Variants in SLC12A9 observed in about 807,000 individuals in gnomAD.
SLC12A9 encodes the protein solute carrier family 12 member 9.
A neutral mutation model predicts 66.0 loss-of-function variants in SLC12A9; 55 were observed. The ratio of observed to expected loss-of-function variants is 0.83; its 90% confidence interval spans 0.67 to 1.04. The LOEUF is 1.04. SLC12A9 is among the 50% of genes least tolerant of loss of function. SLC12A9 has a pLI of 0.00. For synonymous variants in SLC12A9, 577 were observed against 569.0 expected, an observed-to-expected ratio of 1.01 and a Z score of -0.20; for missense variants, 1,061 against 1,241.9, an observed-to-expected ratio of 0.85 and a Z score of 2.19.
chr7:100,829,997 C>T (rs954682846), intron 1 of SLC12A9, among the ~76,000 whole-genome samples: 15 of 151,852 alleles, frequency 9.9e-5, no homozygotes, highest in African/African-American at 3.6e-4. Flanking sequence ...CACTGCACTC[C>T]AGCCTGGGCA....
Position 100,857,145 on chromosome 7 carries a change from C to T in SLC12A9, c.726C>T (p.Phe242=), listed in dbSNP as rs763310149. The stretch of plus-strand genomic sequence containing the variant: ...CCCGGTTTGGCCACTTCACCGGCTT[C>T]AACAGCAGTACCCTGAAGGACAACT... ...LPPRFGHFTG[F]NSSTLKDNLG... is the part of the protein sequence containing the mutation. The change falls in exon 5 of 14, where the codon TTC becomes TTT. Residue 242 remains phenylalanine, a synonymous_variant. Coordinates refer to ENST00000354161, the MANE Select transcript of SLC12A9 (RefSeq NM_020246.4). 1.9e-6 allele frequency: 3 copies of T among 1,613,938 alleles called. No homozygotes were observed. The highest frequency in any genetic ancestry group is 1.7e-6 in the Non-Finnish European group (2 of 1,179,912).
At chr7:100,850,431 G>C (rs1814040263), upstream of SLC12A9, among the ~76,000 whole-genome samples, 1 of 151,292 alleles carries the variant, frequency 6.6e-6, no homozygotes, top group Non-Finnish European at 1.5e-5. Context: ...ATTAGAGACA[G>C]TGTCTTCTGT....
chr7:100,864,606 A>G (rs570558228), intron 13 of SLC12A9, among the ~76,000 whole-genome samples: 2 of 152,190 alleles, frequency 1.3e-5, no homozygotes, highest in Admixed American at 1.3e-4. Flanking sequence ...AGGGACTTGG[A>G]GCATTGTGGT....
At chr7:100,839,718 T>C (rs1813742325) in intron 1 of SLC12A9, among the ~76,000 whole-genome samples, 1 of 152,116 alleles carries the variant, frequency 6.6e-6, no homozygotes, top group East Asian at 1.9e-4. Flanking sequence ...AGTCTGGACA[T>C]CTAAAACTTG....
rs770883827 is a variant in SLC12A9, at chr7:100,857,034, C to T, written c.615C>T (p.Ala205=). Residue 205 remains alanine, a synonymous_variant, in exon 5 of 14, where the codon GCC becomes GCT. Coordinates refer to ENST00000354161, the MANE Select transcript of SLC12A9 (RefSeq NM_020246.4). Reference sequence around the variant, plus strand: ...TCCTGCTGGTCTCTGGCTCCCTGGCCTCTGTGCTCATCAGTTTTGTGGCTG... The same window carrying T: ...TCCTGCTGGTCTCTGGCTCCCTGGCTTCTGTGCTCATCAGTTTTGTGGCTG... ...LTFLLVSGSL[A]SVLISFVAVG... The T allele has an allele frequency of 1.9e-6, 3 of 1,614,240 alleles. No individual in the cohort carries two copies. The highest frequency in any genetic ancestry group is 2.5e-6 in the Non-Finnish European group (3 of 1,180,040).
At chr7:100,843,600 G>C (rs1019940957) in intron 1 of SLC12A9, among the ~76,000 whole-genome samples, 8 of 152,170 alleles carry the variant, frequency 5.3e-5, no homozygotes, top group South Asian at 2.1e-4. Flanking sequence ...GTTTCCAAAG[G>C]CTGGCCCCCA....
At chr7:100,833,495 C>CA (rs1197514471) in intron 1 of SLC12A9, among the ~76,000 whole-genome samples, 1 of 148,934 alleles carries the variant, frequency 6.7e-6, no homozygotes, top group Admixed American at 6.7e-5. Flanking sequence ...AAACAAAAAG[C>CA]AAAAAAACAA....
chr7:100,833,237 A>C (rs1322339514), intron 1 of SLC12A9, among the ~76,000 whole-genome samples: 1 of 152,004 alleles, frequency 6.6e-6, no homozygotes, highest in Non-Finnish European at 1.5e-5. Context: ...TAATCTTAGC[A>C]CTTTGGGAGG....
chr7:100,856,417 AG>A (rs1300299906), intron 4 of SLC12A9: 1 of 162,984 alleles, frequency 6.1e-6, no homozygotes, highest in African/African-American at 2.4e-5. Flanking sequence ...CATGTTGGCC[AG>A]GCTGGTCTTG....
rs752211976 is a variant in SLC12A9, at chr7:100,865,917, CG to C, written c.2059del (p.Val687TrpfsTer7). On this transcript the variant is annotated frameshift_variant, in exon 14 of 14. Transcript: ENST00000354161. LOFTEE classifies it high-confidence loss of function. ...RALNPQDYVATVADALKMNKN... is the reference protein window; with the variant it reads ...RALNPQDYVAXVADALKMNKN... ...CTCAATCCCCAGGACTATGTGGCCA[CG>C]GTGGCCGACGCCCTCAAGATGAACA... 4 of 1,613,324 alleles carry C rather than the reference CG, an allele frequency of 2.5e-6. No individual in the cohort carries two copies. In the South Asian group the frequency reaches 4.4e-5, roughly 18 times the overall value.
chr7:100,864,622 C>T (rs891952750), intron 13 of SLC12A9, among the ~76,000 whole-genome samples: 1 of 152,164 alleles, frequency 6.6e-6, no homozygotes, highest in Non-Finnish European at 1.5e-5. Context: ...GTGGTTGCCA[C>T]GTGCCCAGCT....
chr7:100,850,667 G>A (rs1814044819), upstream of SLC12A9, among the ~76,000 whole-genome samples: 1 of 151,720 alleles, frequency 6.6e-6, no homozygotes, highest in Non-Finnish European at 1.5e-5. Context: ...CTGAGTAGCT[G>A]AGACAACAGG....
chr7:100,862,704 C>T lies in SLC12A9; in HGVS notation c.1735C>T (p.Gln579Ter). 2 of 1,614,242 alleles carry T rather than the reference C, an allele frequency of 1.2e-6. No homozygotes were observed. The highest frequency in any genetic ancestry group is 1.7e-6 in the Non-Finnish European group (2 of 1,180,048). ...DLDSLPSDPV[Q>*]PQYGAWLSLV... ...AGACTCCCTGCCCTCGGACCCTGTA[C>T]AGCCGCAGTATGGGGCATGGCTCAG... Residue 579 changes from glutamine to a stop codon, truncating the protein, a stop_gained, in exon 13 of 14, where the codon CAG (glutamine) becomes TAG (stop). Coordinates refer to ENST00000354161, the MANE Select transcript of SLC12A9 (RefSeq NM_020246.4). LOFTEE classifies it high-confidence loss of function.
At chr7:100,829,084 T>C (rs983436476) in intron 1 of SLC12A9, among the ~76,000 whole-genome samples, 1 of 151,274 alleles carries the variant, frequency 6.6e-6, no homozygotes, top group Non-Finnish European at 1.5e-5. Flanking sequence ...GCCTCCCAGG[T>C]TCAAGCGATT....
At position 100,861,191 on chromosome 7, in the gene SLC12A9, C is replaced by T; in HGVS notation, c.1272C>T (p.Phe424=). 1.2e-6 allele frequency: 2 copies of T among 1,614,226 alleles called. No homozygotes were observed. The highest frequency in any genetic ancestry group is 1.7e-6 in the Non-Finnish European group (2 of 1,180,038). The change falls in exon 10 of 14, where the codon TTC becomes TTT. Residue 424 remains phenylalanine (F), a synonymous_variant. Coordinates refer to ENST00000354161, the MANE Select transcript of SLC12A9 (RefSeq NM_020246.4). This position sits in a 1 kb window ranked among gnomAD's most constrained non-coding sequence, Gnocchi z 5.3. ...LNTLAAVVTV[F]YLVAYAAVDL... ...CACTGGCTGCTGTGGTCACTGTCTT[C>T]TACCTGGTGGCCTATGCTGCCGTGG... is the stretch of plus-strand genomic sequence containing the variant.
chr7:100,838,072 A>G (rs1813704207), intron 1 of SLC12A9, among the ~76,000 whole-genome samples: 1 of 151,934 alleles, frequency 6.6e-6, no homozygotes, highest in Non-Finnish European at 1.5e-5. Context: ...CATGTTAGCC[A>G]GGATGGTCTT....
Position 100,856,968 on chromosome 7 carries a change from C to G in SLC12A9, c.549C>G (p.Thr183=), listed in dbSNP as rs750848383. The change falls in exon 5 of 14, where the codon ACC becomes ACG. Residue 183 remains threonine, a synonymous_variant. Transcript: ENST00000354161. The part of the protein sequence containing the change: ...LLLGLVGGVC[T]LGAGLYARAS... ...TGGGCCTTGTGGGTGGGGTCTGCAC[C>G]CTGGGAGCCGGCCTCTATGCCCGGG... The G allele has an allele frequency of 5.0e-6, 8 of 1,613,860 alleles. No homozygotes were observed. The highest frequency in any genetic ancestry group is 5.9e-6 in the Non-Finnish European group (7 of 1,180,018).
chr7:100,851,613 C>T (rs570457940), upstream of SLC12A9, among the ~76,000 whole-genome samples: 7 of 147,000 alleles, frequency 4.8e-5, no homozygotes, highest in South Asian at 1.1e-3. Context: ...GGCAACATGG[C>T]GAAACCCGGT....
chr7:100,865,181 C>A, intron 13 of SLC12A9: 3 of 1,363,620 alleles, frequency 2.2e-6, no homozygotes, highest in Non-Finnish European at 3.0e-6. Context: ...TGGTCTCAAA[C>A]TCCTGATCTC....
Sources: allele counts gnomAD v4.1 joint callset (sites outside exome capture counted in the v4.1 genomes callset), GRCh38; gene constraint gnomAD v4.1.1; non-coding constraint Gnocchi (gnomAD v3.1); transcripts MANE v1.5; gene names NCBI Gene and HGNC (gene_info 2026-07-23, HGNC 2026-07-21).